The following SWT1 variants were observed in gnomAD, a reference collection of about 807,000 sequenced individuals.
SWT1 encodes the protein transcriptional protein SWT1.
SWT1 carries 33 observed loss-of-function variants against 107.3 expected under a neutral mutation model. The observed-to-expected ratio is 0.31, with a 90% CI of 0.23 to 0.41. The LOEUF is 0.41. SWT1 is among the 10% of genes least tolerant of loss of function. SWT1 has a pLI of 1.00. For missense variants in SWT1, 898 were observed against 1,028.9 expected, an observed-to-expected ratio of 0.87 and a Z score of 1.74; for synonymous variants, 345 against 348.3, an observed-to-expected ratio of 0.99 and a Z score of 0.11.
chr1:185,253,383 A>G lies in SWT1; in HGVS notation c.2442-17940A>G, dbSNP rs1156731305. On this transcript the variant is annotated intron_variant, in intron 16 of 18. Transcript: ENST00000367500. ...GTAAATTACCTTGGGCAGTATGGCC[A>G]TTTTCACAATATTGATTCTTCCTAT... Among the ~76,000 whole-genome samples, 12 of 152,022 alleles carry G rather than the reference A, an allele frequency of 7.9e-5. 1 individual carries two copies. The highest frequency in any genetic ancestry group is 3.4e-3 in the Middle Eastern group (1 of 292).
intron 18 of SWT1, among the ~76,000 whole-genome samples, chr1:185,279,639 G>A (rs1664490521): frequency 6.6e-6 from 1 of 151,536 alleles, no homozygotes; most frequent in Non-Finnish European, 1.5e-5. Context: ...AGAGTACACA[G>A]TATCTTCCAT....
intron 4 of SWT1, among the ~76,000 whole-genome samples, chr1:185,170,396 T>G (rs1319124536): frequency 6.6e-6 from 1 of 152,208 alleles, no homozygotes; most frequent in African/African-American, 2.4e-5. Flanking sequence ...CACCACTGTT[T>G]GTACAATGAC....
chr1:185,269,367 G>GTTTTT (rs1191849201), intron 16 of SWT1, among the ~76,000 whole-genome samples: 1 of 132,498 alleles, frequency 7.5e-6, no homozygotes, highest in East Asian at 2.0e-4. Flanking sequence ...GGGTTAAGAG[G>GTTTTT]TTTTTGTTTT....
Position 185,184,132 on chromosome 1 carries a change from AAG to A in SWT1, c.1139-108_1139-107del, listed in dbSNP as rs1656254061. 4 of 590,384 alleles carry A rather than the reference AAG, an allele frequency of 6.8e-6. No individual in the cohort carries two copies. In the South Asian group the frequency reaches 9.1e-5, roughly 13 times the overall value. The allele number at this position is 590,384 out of a possible 1,614,324, so 36.6% of individuals were successfully genotyped here. A position where few individuals can be genotyped will look rare whatever the true frequency, so the allele number is the denominator to read the frequency against. On this transcript the variant is annotated intron_variant, in intron 7 of 18. Coordinates refer to ENST00000367500, the MANE Select transcript of SWT1 (RefSeq NM_017673.7). The stretch of plus-strand genomic sequence containing the variant: ...AATCTCTGATACAGTTAACAAGACA[AAG>A]AGGCGTTTTAAATTTAATTGAATTT...
intron 16 of SWT1, among the ~76,000 whole-genome samples, chr1:185,260,679 G>T (rs1012427003): frequency 6.6e-6 from 1 of 152,108 alleles, no homozygotes. Context: ...TGTAATTGTA[G>T]CTAGAGGAGA....
At chr1:185,164,745 C>T (rs180901114) in intron 2 of SWT1, among the ~76,000 whole-genome samples, 4 of 152,302 alleles carry the variant, frequency 2.6e-5, no homozygotes, top group Admixed American at 2.6e-4. Context: ...TTGGCTTTGG[C>T]TAAAGGGAAT....
intron 15 of SWT1, among the ~76,000 whole-genome samples, chr1:185,229,534 A>T (rs1660348139): frequency 6.6e-6 from 1 of 151,786 alleles, no homozygotes; most frequent in African/African-American, 2.4e-5. Flanking sequence ...GAATGATGGT[A>T]TCTAGTATAT....
rs546040754 is a variant in SWT1, at chr1:185,172,861, T to C, written c.225-1511T>C. Among the ~76,000 whole-genome samples the C allele has an allele frequency of 7.9e-5, 12 of 151,956 alleles. No homozygotes were observed. In the South Asian group the frequency reaches 2.5e-3, roughly 32 times the overall value. On this transcript the variant is annotated intron_variant, in intron 4 of 18. Transcript: ENST00000367500. Reference sequence around the variant, plus strand: ...CAAATCGAGACCATCCTGGCCAACATGATGAAACCCCGTCTCTACTAAAAT... The same window carrying C: ...CAAATCGAGACCATCCTGGCCAACACGATGAAACCCCGTCTCTACTAAAAT...
intron 2 of SWT1, among the ~76,000 whole-genome samples, chr1:185,163,779 T>G (rs1654355088): frequency 6.6e-6 from 1 of 152,220 alleles, no homozygotes; most frequent in Non-Finnish European, 1.5e-5. Flanking sequence ...GCAGTTATTT[T>G]CTCCACTGAA....
At chr1:185,261,910 T>C (rs1206190416) in intron 16 of SWT1, among the ~76,000 whole-genome samples, 1 of 152,186 alleles carries the variant, frequency 6.6e-6, no homozygotes, top group Non-Finnish European at 1.5e-5. Flanking sequence ...AGTCTCTGCA[T>C]CTAGTGAGGT....
chr1:185,165,648 G>T (rs559762500), intron 2 of SWT1, among the ~76,000 whole-genome samples: 76 of 152,306 alleles, frequency 5.0e-4, no homozygotes, highest in African/African-American at 1.7e-3. Flanking sequence ...ACTTTCCAGT[G>T]TTTTTCCACT....
At chr1:185,193,803 A>G (rs1013492154) in intron 10 of SWT1, among the ~76,000 whole-genome samples, 5 of 152,280 alleles carry the variant, frequency 3.3e-5, no homozygotes, top group African/African-American at 1.2e-4. Flanking sequence ...TGAAAGGAGT[A>G]TTGAAGTCTC....
At chr1:185,209,304 G>A (rs749730482) in intron 13 of SWT1, among the ~76,000 whole-genome samples, 1 of 152,018 alleles carries the variant, frequency 6.6e-6, no homozygotes, top group Non-Finnish European at 1.5e-5. Context: ...AGGTATACAC[G>A]TTCCATGGGG....
intron 17 of SWT1, among the ~76,000 whole-genome samples, chr1:185,276,083 G>GT (rs913811894): frequency 2.0e-4 from 30 of 152,206 alleles, no homozygotes; most frequent in African/African-American, 7.2e-4. Flanking sequence ...TAAATGAATA[G>GT]TAAGTTTCAA....
chr1:185,279,231 A>AT (rs147508709), intron 18 of SWT1, among the ~76,000 whole-genome samples: 1 of 152,178 alleles, frequency 6.6e-6, no homozygotes, highest in Non-Finnish European at 1.5e-5. Context: ...CCTTAGCCGT[A>AT]TTTTTTAGTG....
At position 185,285,191 on chromosome 1, in the gene SWT1, A is replaced by G. The variant is rs548749228; in HGVS notation, c.2574-5483A>G. Among the ~76,000 whole-genome samples, 7 of 152,182 alleles carry G rather than the reference A, an allele frequency of 4.6e-5. No homozygotes were observed. In the South Asian group the frequency reaches 1.0e-3, roughly 23 times the overall value. On this transcript the variant is annotated intron_variant, in intron 18 of 18. Transcript: ENST00000367500. Reference sequence around the variant, plus strand: ...CCCCTGGGTTCATGAAGATGCAGAGAGGCAGCAGCCTTCTTCAGGGCTTCT... The same window carrying G: ...CCCCTGGGTTCATGAAGATGCAGAGGGGCAGCAGCCTTCTTCAGGGCTTCT...
chr1:185,269,373 G>GT (rs59417358), intron 16 of SWT1, among the ~76,000 whole-genome samples: 27,477 of 125,016 alleles, frequency 0.22, 3,058 homozygotes, highest in African/African-American at 0.32. Context: ...AGAGGTTTTT[G>GT]TTTTTTTTTT....
intron 14 of SWT1, among the ~76,000 whole-genome samples, chr1:185,215,191 C>A (rs1168264663): frequency 6.6e-6 from 1 of 152,102 alleles, no homozygotes; most frequent in Non-Finnish European, 1.5e-5. Flanking sequence ...TATTTTGTCA[C>A]ATTTGCTTTA....
chr1:185,192,524 T>A (rs2102413912), intron 10 of SWT1, among the ~76,000 whole-genome samples: 1 of 152,200 alleles, frequency 6.6e-6, no homozygotes, highest in South Asian at 2.1e-4. Flanking sequence ...GCTCAAGTGA[T>A]CCTCCTTCCT....
Sources: allele counts gnomAD v4.1 joint callset (sites outside exome capture counted in the v4.1 genomes callset), GRCh38; gene constraint gnomAD v4.1.1; transcripts MANE v1.5; gene names NCBI Gene and HGNC (gene_info 2026-07-23, HGNC 2026-07-21).